HMG20A: variants seen among roughly 807,000 people sequenced by gnomAD.
HMG20A encodes the protein high mobility group 20A.
A neutral mutation model predicts 43.9 loss-of-function variants in HMG20A; 17 were observed. The ratio of observed to expected loss-of-function variants is 0.39; its 90% CI spans 0.27 to 0.58. The LOEUF (loss-of-function observed/expected upper bound fraction) is 0.58. Among genes scored for constraint, HMG20A ranks in the 20% least tolerant of loss-of-function variants. The probability of loss-of-function intolerance (pLI) is 0.59; values close to 1 mark genes in which losing one functional copy is unlikely to be tolerated. For synonymous variants in HMG20A, 132 were observed against 147.5 expected, an observed-to-expected ratio of 0.89 and a Z score of 0.76; for missense variants, 341 against 438.2, an observed-to-expected ratio of 0.78 and a Z score of 1.98.
chr15:77,477,927 T>C (rs750415324), intron 7 of HMG20A, among the ~76,000 whole-genome samples: 1 of 152,182 alleles, frequency 6.6e-6, no homozygotes, highest in Admixed American at 6.5e-5. Flanking sequence ...TCTGATCCCA[T>C]TGTGGTAAAG....
At chr15:77,424,981 C>G (rs894621016) in intron 1 of HMG20A, among the ~76,000 whole-genome samples, 2 of 152,116 alleles carry the variant, frequency 1.3e-5, no homozygotes, top group Non-Finnish European at 2.9e-5. Flanking sequence ...TGTACTGCAC[C>G]CAGCATTAAT....
the HMG20A span, among the ~76,000 whole-genome samples, chr15:77,504,145 T>G: frequency 6.6e-6 from 1 of 152,196 alleles, no homozygotes; most frequent in African/African-American, 2.4e-5. Flanking sequence ...CGAGGCCTTC[T>G]GGGGCAGGCA....
intron 1 of HMG20A, among the ~76,000 whole-genome samples, chr15:77,423,647 A>G (rs774138220): frequency 3.9e-5 from 6 of 152,220 alleles, no homozygotes; most frequent in Non-Finnish European, 7.3e-5. Flanking sequence ...CGTAGGTCAC[A>G]ATTCTGGATT....
chr15:77,509,826 G>A, the HMG20A span, among the ~76,000 whole-genome samples: 2 of 151,280 alleles, frequency 1.3e-5, no homozygotes, highest in Non-Finnish European at 2.9e-5. Flanking sequence ...AGAATCGCTG[G>A]AACCTGGGAG....
chr15:77,486,995 G>A (rs191356960), downstream of HMG20A, among the ~76,000 whole-genome samples: 103 of 152,282 alleles, frequency 6.8e-4, no homozygotes, highest in African/African-American at 2.4e-3. Flanking sequence ...TAGTATGGAG[G>A]CTCCTGTCTG....
intron 1 of HMG20A, among the ~76,000 whole-genome samples, chr15:77,432,722 CAAA>C (rs34459644): frequency 6.4e-5 from 5 of 77,716 alleles, no homozygotes; most frequent in Admixed American, 5.7e-4. Flanking sequence ...AACTCCGACT[CAAA>C]AAAAAAAAAA....
downstream of HMG20A, among the ~76,000 whole-genome samples, chr15:77,490,409 ATGACAG>A (rs1460634839): frequency 6.6e-6 from 1 of 152,222 alleles, no homozygotes; most frequent in Non-Finnish European, 1.5e-5. Context: ...CAAGTGAGAA[ATGACAG>A]TGGCTTAGCC....
At chr15:77,423,680 TCC>T (rs1291275254) in intron 1 of HMG20A, among the ~76,000 whole-genome samples, 90 of 152,336 alleles carry the variant, frequency 5.9e-4, no homozygotes, top group Non-Finnish European at 1.2e-3. Flanking sequence ...AATTAGATTA[TCC>T]ACAGAGATGT....
downstream of HMG20A, among the ~76,000 whole-genome samples, chr15:77,486,730 C>G (rs1409891919): frequency 6.6e-6 from 1 of 152,160 alleles, no homozygotes; most frequent in African/African-American, 2.4e-5. Context: ...TGTTTCAACT[C>G]CAGTTTCCTC....
the HMG20A span, among the ~76,000 whole-genome samples, chr15:77,498,293 G>T: frequency 6.6e-6 from 1 of 152,150 alleles, no homozygotes; most frequent in South Asian, 2.1e-4. Flanking sequence ...CATTAAGGGA[G>T]TGCATGTGAT....
chr15:77,468,613 A>G (rs961272220), intron 4 of HMG20A, among the ~76,000 whole-genome samples: 16 of 152,030 alleles, frequency 1.1e-4, no homozygotes, highest in African/African-American at 3.6e-4. Flanking sequence ...ACACACACAC[A>G]CACACACACA....
At chr15:77,431,404 G>A (rs761548010) in intron 1 of HMG20A, among the ~76,000 whole-genome samples, 1 of 152,112 alleles carries the variant, frequency 6.6e-6, no homozygotes, top group Non-Finnish European at 1.5e-5. Flanking sequence ...TAGAGACAAG[G>A]TTTCACCATG....
At chr15:77,457,031 C>G (rs1341551813) in intron 1 of HMG20A, among the ~76,000 whole-genome samples, 2 of 152,222 alleles carry the variant, frequency 1.3e-5, no homozygotes, top group Non-Finnish European at 2.9e-5. Context: ...CTTCCATGCT[C>G]TACCTACTGT....
Position 77,467,317 on chromosome 15 carries a change from C to G in HMG20A, c.450+10C>G, listed in dbSNP as rs1319060805. 5.0e-6 allele frequency: 8 copies of G among 1,593,314 alleles called. No homozygotes were observed. On this transcript the variant is annotated intron_variant, in intron 4 of 9. Coordinates refer to ENST00000336216, the MANE Select transcript of HMG20A (RefSeq NM_001304504.2). ...TCCTGAGGAAAAACAGGTAATTGTT[C>G]CTATTCCTGACTCTTTGTTTGGTTT...
intron 1 of HMG20A, among the ~76,000 whole-genome samples, chr15:77,456,634 CAAAAAAAAAAAA>C (rs34114445): frequency 5.2e-5 from 5 of 95,386 alleles, no homozygotes; most frequent in East Asian, 3.5e-4. Context: ...GCGAGACTGT[CAAAAAAAAAAAA>C]AAAAAAAAAG....
chr15:77,434,857 C>A (rs958673492), intron 1 of HMG20A, among the ~76,000 whole-genome samples: 1 of 152,138 alleles, frequency 6.6e-6, no homozygotes, highest in Admixed American at 6.5e-5. Context: ...TGATCATACA[C>A]CCTCTGACCC....
chr15:77,516,218 C>T, the HMG20A span, among the ~76,000 whole-genome samples: 1 of 152,210 alleles, frequency 6.6e-6, no homozygotes, highest in Non-Finnish European at 1.5e-5. Context: ...AAGCACACGG[C>T]TGGCCATGGT....
chr15:77,430,738 C>T (rs753950121), intron 1 of HMG20A, among the ~76,000 whole-genome samples: 1 of 152,166 alleles, frequency 6.6e-6, no homozygotes, highest in Non-Finnish European at 1.5e-5. Flanking sequence ...GTTTTCCCCT[C>T]ACAGTGTTTG....
intron 1 of HMG20A, among the ~76,000 whole-genome samples, chr15:77,435,856 T>C (rs1445655631): frequency 6.6e-6 from 1 of 151,660 alleles, no homozygotes; most frequent in Non-Finnish European, 1.5e-5. Flanking sequence ...ACACCACGCA[T>C]TCCTGGCTCT....
Sources: gnomAD v4.1 joint callset for allele counts (sites outside exome capture counted in the v4.1 genomes callset) on GRCh38, gnomAD v4.1.1 for gene constraint, MANE v1.5 for transcripts, NCBI Gene and HGNC (gene_info 2026-07-23, HGNC 2026-07-21) for gene names.